SCFD2: variants seen among roughly 807,000 people sequenced by gnomAD.
The protein encoded by SCFD2 is sec1 family domain-containing protein 2.
Under a neutral mutation model 58.9 loss-of-function variants are expected in SCFD2, and 54 were observed. That is an observed-to-expected ratio of 0.92 (90% CI 0.74 to 1.15). The LOEUF (loss-of-function observed/expected upper bound fraction) is 1.15. SCFD2 is among the 50% of genes most tolerant of loss of function. SCFD2 has a pLI of 0.00. For missense variants in SCFD2, 805 were observed against 836.6 expected (o/e 0.96, Z 0.47); for synonymous variants, 321 against 335.9 (o/e 0.96, Z 0.49).
At chr4:53,006,866 G>A (rs1185210485) in intron 5 of SCFD2, among the ~76,000 whole-genome samples, 1 of 152,094 alleles carries the variant, frequency 6.6e-6, no homozygotes, top group Non-Finnish European at 1.5e-5. Flanking sequence ...ACAAGTGAAG[G>A]GCATGGACCC....
intron 4 of SCFD2, among the ~76,000 whole-genome samples, chr4:53,181,984 T>C (rs1306311156): frequency 1.3e-5 from 2 of 152,120 alleles, no homozygotes; most frequent in African/African-American, 4.8e-5. Flanking sequence ...TACAAACCAC[T>C]GCTCAAGGAA....
At chr4:53,177,225 T>A (rs1727365224) in intron 4 of SCFD2, among the ~76,000 whole-genome samples, 1 of 152,152 alleles carries the variant, frequency 6.6e-6, no homozygotes, top group Non-Finnish European at 1.5e-5. Flanking sequence ...GGGGATAGAA[T>A]CATATAAGCA....
chr4:53,218,024 T>A (rs954571515), intron 4 of SCFD2, among the ~76,000 whole-genome samples: 3 of 152,238 alleles, frequency 2.0e-5, no homozygotes, highest in African/African-American at 7.2e-5. Context: ...TGTTACTCTG[T>A]TGGGCTTCCC....
chr4:52,970,152 G>A (rs1410853817), intron 5 of SCFD2, among the ~76,000 whole-genome samples: 1 of 152,204 alleles, frequency 6.6e-6, no homozygotes. Context: ...TCTCACTGGG[G>A]AGTGTTGGAA....
At chr4:53,158,074 C>T (rs1726743121) in intron 4 of SCFD2, among the ~76,000 whole-genome samples, 1 of 152,150 alleles carries the variant, frequency 6.6e-6, no homozygotes, top group Non-Finnish European at 1.5e-5. Context: ...TGGTAAGGTA[C>T]ATGAATGGCC....
chr4:53,000,307 T>C (rs1644617392), intron 5 of SCFD2, among the ~76,000 whole-genome samples: 1 of 152,222 alleles, frequency 6.6e-6, no homozygotes, highest in African/African-American at 2.4e-5. Context: ...TTTTGCTCTC[T>C]ATATCTAAAA....
intron 5 of SCFD2, among the ~76,000 whole-genome samples, chr4:53,096,811 C>A (rs1033232470): frequency 2.0e-5 from 3 of 152,116 alleles, no homozygotes; most frequent in East Asian, 1.9e-4. Flanking sequence ...CTGAATGGTA[C>A]TGCCTAGGTT....
chr4:53,103,897 T>TAA (rs34101811), intron 5 of SCFD2, among the ~76,000 whole-genome samples: 870 of 74,292 alleles, frequency 0.012, 31 homozygotes, highest in African/African-American at 0.035. Flanking sequence ...CAATATGAGC[T>TAA]AAAAAAAAAA....
chr4:53,164,258 C>G (rs1346193850), intron 4 of SCFD2, among the ~76,000 whole-genome samples: 1 of 152,122 alleles, frequency 6.6e-6, no homozygotes. Context: ...CTGCCCACTG[C>G]CCCCAACTGC....
intron 5 of SCFD2, among the ~76,000 whole-genome samples, chr4:53,085,429 G>T (rs1447058319): frequency 1.3e-5 from 2 of 152,082 alleles, no homozygotes; most frequent in East Asian, 3.9e-4. Context: ...TGGACTAGAA[G>T]AATCAATATT....
At chr4:53,017,065 A>G (rs1452099436) in intron 5 of SCFD2, among the ~76,000 whole-genome samples, 3 of 152,100 alleles carry the variant, frequency 2.0e-5, no homozygotes, top group Non-Finnish European at 4.4e-5. Flanking sequence ...CTGAGATTGC[A>G]ACACTGCACT....
chr4:52,897,368 T>G (rs564808047), intron 7 of SCFD2, among the ~76,000 whole-genome samples: 5 of 152,250 alleles, frequency 3.3e-5, no homozygotes, highest in African/African-American at 1.2e-4. Context: ...TAGTGTGAAG[T>G]GTTGTTGAAT....
At chr4:53,153,605 ATATTAGCACT>A (rs1315347609) in intron 4 of SCFD2, among the ~76,000 whole-genome samples, 1 of 152,084 alleles carries the variant, frequency 6.6e-6, no homozygotes, top group Non-Finnish European at 1.5e-5. Context: ...ATTGTTTTGG[ATATTAGCACT>A]TGGATCCCTT....
chr4:53,218,154 T>G (rs1392285769), intron 4 of SCFD2, among the ~76,000 whole-genome samples: 6 of 152,264 alleles, frequency 3.9e-5, no homozygotes, highest in East Asian at 3.9e-4. Context: ...TATCTTTGTG[T>G]CATTCTCTGT....
rs548197732 is a variant in SCFD2 at position 52,991,573 on chromosome 4, GTT to G, written c.1562-70705_1562-70704del. ...GACAAGACTGGCACCCAGAGACAAAGTTCACTGAAGGCTCAGGGAGAGGAGTT... is the reference window on the plus strand; with the variant it reads ...GACAAGACTGGCACCCAGAGACAAAGCACTGAAGGCTCAGGGAGAGGAGTT... On this transcript the variant is annotated intron_variant, in intron 5 of 8. Coordinates refer to ENST00000401642, the MANE Select transcript of SCFD2 (RefSeq NM_152540.4). Among the ~76,000 whole-genome samples, 85 of 152,270 alleles carry G rather than the reference GTT, an allele frequency of 5.6e-4. 1 individual carries two copies. In the South Asian group the frequency reaches 5.8e-3, roughly 10 times the overall value.
intron 5 of SCFD2, among the ~76,000 whole-genome samples, chr4:52,992,534 C>G (rs6844522): frequency 0.86 from 128,268 of 149,640 alleles, 55,054 homozygotes; most frequent in Middle Eastern, 0.95. Context: ...CCCAGTCTGG[C>G]AAGTGAGGAG....
chr4:53,341,925 C>A (rs182857454), intron 2 of SCFD2, among the ~76,000 whole-genome samples: 2 of 152,264 alleles, frequency 1.3e-5, no homozygotes, highest in Non-Finnish European at 2.9e-5. Context: ...TTTGTCACCA[C>A]CAGGTCTGCT....
intron 3 of SCFD2, among the ~76,000 whole-genome samples, chr4:53,296,049 T>C (rs745522808): frequency 4.6e-5 from 7 of 152,250 alleles, no homozygotes; most frequent in African/African-American, 1.4e-4. Flanking sequence ...CAGTATTTTA[T>C]TGACGATTTT....
chr4:53,061,723 G>A (rs1209002512), intron 5 of SCFD2, among the ~76,000 whole-genome samples: 1 of 152,100 alleles, frequency 6.6e-6, no homozygotes, highest in Admixed American at 6.6e-5. Context: ...AGGGCTGGGA[G>A]GTCAGATGGT....
Sources: allele counts gnomAD v4.1 joint callset (sites outside exome capture counted in the v4.1 genomes callset), GRCh38; gene constraint gnomAD v4.1.1; transcripts MANE v1.5; gene names NCBI Gene and HGNC (gene_info 2026-07-23, HGNC 2026-07-21).